The following ARHGAP24 variants were observed in gnomAD, a reference collection of about 807,000 sequenced individuals.
ARHGAP24 encodes Rho GTPase activating protein 24, also known as rho GTPase-activating protein 24.
In ARHGAP24, 50 loss-of-function variants were observed where a neutral mutation model predicts 76.4. That is an observed-to-expected ratio of 0.65 (90% CI 0.52 to 0.83). ARHGAP24 has a LOEUF of 0.83. ARHGAP24 is among the 40% of genes least tolerant of loss of function. The probability of loss-of-function intolerance (pLI) is 0.00; values close to 1 mark genes in which losing one functional copy is unlikely to be tolerated. For missense variants in ARHGAP24, 930 were observed against 914.2 expected (o/e 1.02, Z -0.22); for synonymous variants, 345 against 323.3 (o/e 1.07, Z -0.72).
At chr4:85,559,746 C>A (rs1037981553) in intron 1 of ARHGAP24, among the ~76,000 whole-genome samples, 1 of 152,124 alleles carries the variant, frequency 6.6e-6, no homozygotes, top group African/African-American at 2.4e-5. Flanking sequence ...AGACATCCAA[C>A]TTCTTTTCAT....
chr4:85,951,092 G>A (rs915642648), intron 5 of ARHGAP24, among the ~76,000 whole-genome samples: 2 of 151,966 alleles, frequency 1.3e-5, no homozygotes, highest in Non-Finnish European at 2.9e-5. Flanking sequence ...TCTGGCAACC[G>A]AAATATCCTT....
At chr4:85,538,821 T>A (rs1213538870) in intron 1 of ARHGAP24, among the ~76,000 whole-genome samples, 1 of 152,230 alleles carries the variant, frequency 6.6e-6, no homozygotes, top group Admixed American at 6.5e-5. Context: ...TTTTGATTTC[T>A]ATCAGTCATC....
At chr4:85,648,960 C>T (rs1323603256) in intron 2 of ARHGAP24, among the ~76,000 whole-genome samples, 3 of 151,626 alleles carry the variant, frequency 2.0e-5, no homozygotes, top group Non-Finnish European at 2.9e-5. Flanking sequence ...GAGTATAGAA[C>T]TGTGTCACAT....
intron 3 of ARHGAP24, among the ~76,000 whole-genome samples, chr4:85,786,884 A>T (rs1165822198): frequency 6.6e-6 from 1 of 152,178 alleles, no homozygotes; most frequent in African/African-American, 2.4e-5. Context: ...TTCTGGAATC[A>T]TTACTTCTGA....
chr4:85,619,840 A>G (rs1040971610), intron 2 of ARHGAP24, among the ~76,000 whole-genome samples: 2 of 151,900 alleles, frequency 1.3e-5, no homozygotes, highest in East Asian at 3.8e-4. Flanking sequence ...TAGTTGTAAT[A>G]TCTAATTTGT....
At chr4:85,820,136 A>G (rs956293575) in intron 3 of ARHGAP24, among the ~76,000 whole-genome samples, 4 of 152,356 alleles carry the variant, frequency 2.6e-5, no homozygotes, top group Admixed American at 6.5e-5. Flanking sequence ...ATTATTAGGT[A>G]TGTACCCAAA....
intron 3 of ARHGAP24, among the ~76,000 whole-genome samples, chr4:85,879,644 G>A (rs1276780172): frequency 6.6e-6 from 1 of 151,434 alleles, no homozygotes; most frequent in Admixed American, 6.6e-5. Context: ...TCTCTGTGGA[G>A]GATACCTTTT....
chr4:85,692,327 A>G (rs191967436), intron 2 of ARHGAP24, among the ~76,000 whole-genome samples: 20 of 152,242 alleles, frequency 1.3e-4, no homozygotes, highest in Admixed American at 8.5e-4. Context: ...CATCTTATAT[A>G]GTATCTAGCC....
At chr4:85,702,614 TAC>T (rs1724137979) in intron 2 of ARHGAP24, among the ~76,000 whole-genome samples, 1 of 152,190 alleles carries the variant, frequency 6.6e-6, no homozygotes, top group Non-Finnish European at 1.5e-5. Context: ...TAAACTTTTT[TAC>T]ACAAATTGTC....
At chr4:85,631,798 T>C (rs1721167466) in intron 2 of ARHGAP24, among the ~76,000 whole-genome samples, 1 of 152,014 alleles carries the variant, frequency 6.6e-6, no homozygotes, top group Admixed American at 6.6e-5. Context: ...ATGCCTAGGG[T>C]CTTTGTCACC....
chr4:85,617,695 A>G (rs927141226), intron 2 of ARHGAP24, among the ~76,000 whole-genome samples: 1 of 152,186 alleles, frequency 6.6e-6, no homozygotes, highest in African/African-American at 2.4e-5. Flanking sequence ...AAAATTTTGT[A>G]CATGTATAAC....
chr4:85,898,319 T>C (rs1734310930), intron 3 of ARHGAP24, among the ~76,000 whole-genome samples: 1 of 152,150 alleles, frequency 6.6e-6, no homozygotes, highest in East Asian at 1.9e-4. Context: ...CCCTGTGGAA[T>C]GTGACTGTTA....
At chr4:85,550,230 A>T (rs1349242634) in intron 1 of ARHGAP24, among the ~76,000 whole-genome samples, 2 of 152,184 alleles carry the variant, frequency 1.3e-5, no homozygotes, top group African/African-American at 2.4e-5. Context: ...TATGTATGGT[A>T]TAAGGAAAGG....
intron 1 of ARHGAP24, among the ~76,000 whole-genome samples, chr4:85,563,646 A>G (rs1327395440): frequency 6.6e-6 from 1 of 152,174 alleles, no homozygotes; most frequent in Non-Finnish European, 1.5e-5. Context: ...AGTCCGTAAC[A>G]ACAAGTAAGA....
At chr4:85,664,142 G>A (rs866146330) in intron 2 of ARHGAP24, among the ~76,000 whole-genome samples, 6 of 151,310 alleles carry the variant, frequency 4.0e-5, no homozygotes, top group South Asian at 4.1e-4. Flanking sequence ...ATCTGGTCCT[G>A]GACTCTTTTT....
chr4:85,534,212 A>G, intron 1 of ARHGAP24, among the ~76,000 whole-genome samples: 1 of 152,242 alleles, frequency 6.6e-6, no homozygotes. Flanking sequence ...CAGTAAGGAA[A>G]GGCAAGTTTT....
Position 85,994,679 on chromosome 4 carries a change from G to A in ARHGAP24, c.1025G>A (p.Gly342Glu), listed in dbSNP as rs763554131. 4.8e-5 allele frequency: 77 copies of A among 1,614,022 alleles called. No individual in the cohort carries two copies. In the Admixed American group the frequency reaches 1.3e-3, roughly 27 times the overall value. The change falls in exon 9 of 10, where the codon GGA (glycine) becomes GAA (glutamate). Residue 342 changes from glycine (G) to glutamate (E), a missense_variant. By Grantham distance (98) the Gly-to-Glu change is moderately conservative. Coordinates refer to ENST00000395184, the MANE Select transcript of ARHGAP24 (RefSeq NM_001025616.3). ...DAELQSKPQD[G>E]VSNNNEIQKK... ...GAACTACAAAGCAAGCCCCAAGATG[G>A]AGTGAGCAACAACAATGAAATTCAG...
intron 3 of ARHGAP24, among the ~76,000 whole-genome samples, chr4:85,900,343 A>G (rs1366494391): frequency 6.6e-6 from 1 of 152,240 alleles, no homozygotes; most frequent in African/African-American, 2.4e-5. Context: ...GTATGTGGCA[A>G]ACACAAATAG....
At chr4:85,908,354 A>T (rs1376081801) in intron 3 of ARHGAP24, among the ~76,000 whole-genome samples, 2 of 152,172 alleles carry the variant, frequency 1.3e-5, no homozygotes, top group Admixed American at 6.5e-5. Context: ...GTCCTGGTGG[A>T]TAGAAAATAT....
Sources: gnomAD v4.1 joint callset for allele counts (sites outside exome capture counted in the v4.1 genomes callset) on GRCh38, gnomAD v4.1.1 for gene constraint, MANE v1.5 for transcripts, NCBI Gene and HGNC (gene_info 2026-07-23, HGNC 2026-07-21) for gene names.